The following SELENOV variants were observed in gnomAD, a reference collection of about 807,000 sequenced individuals.
The protein encoded by SELENOV is selenoprotein V.
Under a neutral mutation model 21.6 loss-of-function variants are expected in SELENOV, and 25 were observed. The ratio of observed to expected loss-of-function variants is 1.16; its 90% CI spans 0.84 to 1.62. The LOEUF is 1.62. Ranked by LOEUF, SELENOV falls within the 40% of genes most tolerant of loss-of-function variation. SELENOV has a pLI of 0.00. For synonymous variants in SELENOV, 227 were observed against 216.9 expected (o/e 1.05, Z -0.41); for missense variants, 472 against 459.0 (o/e 1.03, Z -0.26).
intron 1 of SELENOV, among the ~76,000 whole-genome samples, chr19:39,517,610 G>C (rs1262193510): frequency 3.3e-5 from 5 of 152,080 alleles, no homozygotes; most frequent in Admixed American, 1.3e-4. Context: ...GCTGTGGGGA[G>C]AGCATTTGGC....
At position 39,518,294 on chromosome 19, in the gene SELENOV, C is replaced by CAA. The variant is rs56055153; in HGVS notation, c.810-305_810-304dup. On this transcript the variant is annotated intron_variant, in intron 1 of 5. Transcript: ENST00000335426. Reference sequence around the variant, plus strand: ...TCAAAAAAACAAAAAAACAAAAAAACAAAAAAAAAAGAGAGAGAGAGAGAA... The same window carrying CAA: ...TCAAAAAAACAAAAAAACAAAAAAACAAAAAAAAAAAAGAGAGAGAGAGAGAA... Among the ~76,000 whole-genome samples the CAA allele has an allele frequency of 7.4e-3, 789 of 107,210 alleles. 13 individuals carry two copies. The highest frequency in any genetic ancestry group is 8.4e-3 in the Non-Finnish European group (427 of 50,574). 70.3% of individuals were successfully genotyped at this position (107,210 alleles called of 152,430 possible).
intron 1 of SELENOV, among the ~76,000 whole-genome samples, chr19:39,518,228 G>C (rs558184725): frequency 5.1e-4 from 75 of 147,452 alleles, no homozygotes; most frequent in African/African-American, 1.8e-3. Flanking sequence ...CTGAGATCGC[G>C]CCATTGCACT....
intron 5 of SELENOV, among the ~76,000 whole-genome samples, chr19:39,519,594 A>T (rs1600765816): frequency 1.3e-5 from 2 of 151,960 alleles, no homozygotes; most frequent in African/African-American, 4.8e-5. Context: ...TGAGCCCAGG[A>T]GTTAGAGGCT....
chr19:39,517,149 G>A (rs1173900621), intron 1 of SELENOV, among the ~76,000 whole-genome samples: 4 of 152,008 alleles, frequency 2.6e-5, no homozygotes, highest in African/African-American at 4.8e-5. Context: ...GTGAGCCACC[G>A]TGCCCAGCCT....
At chr19:39,516,147 A>G in intron 1 of SELENOV, 126 bp downstream of exon 1, 1 of 823,758 alleles carries the variant, frequency 1.2e-6, no homozygotes, top group Non-Finnish European at 2.0e-6. Flanking sequence ...AGAGCCCCAG[A>G]GTTCCAGTTC....
At chr19:39,518,285 A>C (rs1313772550) in intron 1 of SELENOV, among the ~76,000 whole-genome samples, 1 of 73,108 alleles carries the variant, frequency 1.4e-5, no homozygotes, top group Non-Finnish European at 2.6e-5. Flanking sequence ...AAACAAAAAA[A>C]CAAAAAAACA....
At chr19:39,518,385 G>T in intron 1 of SELENOV, 1 of 600,848 alleles carries the variant, frequency 1.7e-6, no homozygotes, top group African/African-American at 1.9e-5. Flanking sequence ...AGTGGGAGAA[G>T]ATGGAGACAG....
chr19:39,516,131 T>C, intron 1 of SELENOV, 110 bp downstream of exon 1: 1 of 928,114 alleles, frequency 1.1e-6, no homozygotes. Context: ...GGGGAGGGAT[T>C]CAGGAAGAGC....
intron 3 of SELENOV, 33 bp downstream of exon 3, chr19:39,518,826 G>A (rs28596775): frequency 6.2e-7 from 1 of 1,612,600 alleles, no homozygotes; most frequent in Non-Finnish European, 8.5e-7. Flanking sequence ...GGAGAGGGGG[G>A]TGGTCAGGGA....
rs747425039 is a variant in SELENOV at position 39,515,632 on chromosome 19, C to G, written c.420C>G (p.Val140=). The G allele has an allele frequency of 1.3e-6, 2 of 1,548,302 alleles. No individual in the cohort carries two copies. Among genetic ancestry groups the G allele is most frequent in the Admixed American group, 2.0e-5 (1 of 50,984 alleles). ...CAGGGATTCGGGCCGCGCTCCCCGT[C>G]TTGGACTCCTACCTGGCCCCGGCCC... is the stretch of plus-strand genomic sequence containing the variant. The change falls in exon 1 of 6, where the codon GTC becomes GTG. Residue 140 remains valine (V), a synonymous_variant. Coordinates refer to ENST00000335426, the Ensembl canonical transcript of SELENOV. This position sits in a 1 kb window ranked among gnomAD's most constrained non-coding sequence, Gnocchi z 5.1.
At chr19:39,516,869 AT>A (rs113574964) in intron 1 of SELENOV, among the ~76,000 whole-genome samples, 6 of 149,226 alleles carry the variant, frequency 4.0e-5, no homozygotes, top group African/African-American at 9.9e-5. Flanking sequence ...CTAATTTTGT[AT>A]TTTTTTTTAG....
At position 39,515,734 on chromosome 19, in the gene SELENOV, C is replaced by G. The variant is rs1430909815; in HGVS notation, c.522C>G (p.Ser174Arg). The change falls in exon 1 of 6, where the codon AGC becomes AGG. Residue 174 changes from serine (S) to arginine (R), a missense_variant. Ser to Arg is a moderately radical substitution (Grantham distance 110). Transcript: ENST00000335426. The surrounding 1 kb of genome is among the most constrained non-coding windows in gnomAD (Gnocchi z 5.1). The stretch of plus-strand genomic sequence containing the variant: ...AGGAGGACCCTGAGCCGGCGCCGAG[C>G]CTGAAGCTCATCCCGTCGGTCTCCA... 6.5e-7 allele frequency: 1 copy of G among 1,549,596 alleles called. No homozygotes were observed. Among genetic ancestry groups the G allele is most frequent in the Non-Finnish European group, 8.7e-7 (1 of 1,146,590 alleles).
chr19:39,516,076 G>A (rs1458419085), intron 1 of SELENOV, 55 bp downstream of exon 1: 32 of 1,478,290 alleles, frequency 2.2e-5, no homozygotes, highest in Non-Finnish European at 2.9e-5. Context: ...CGGCAGTGGG[G>A]GCTGGGTCTC....
Position 39,515,964 on chromosome 19 carries a change from C to G in SELENOV, c.752C>G (p.Pro251Arg), listed in dbSNP as rs759920314. ...TTACAGAATTGTACGGAAACCTTCC[C>G]CTCCTCCAGCGAGAACTTCGCGCTG... Residue 251 changes from proline to arginine, a missense_variant, in exon 1 of 6, where the codon CCC (proline) becomes CGC (arginine). Transcript: ENST00000335426. The surrounding 1 kb of genome is among the most constrained non-coding windows in gnomAD (Gnocchi z 5.1). The G allele has an allele frequency of 6.2e-7, 1 of 1,607,970 alleles. No individual in the cohort carries two copies. Among genetic ancestry groups the G allele is most frequent in the Non-Finnish European group, 8.5e-7 (1 of 1,177,792 alleles).
chr19:39,518,622 A>C, exon 2 of SELENOV: 1 of 1,606,758 alleles, frequency 6.2e-7, no homozygotes, highest in Non-Finnish European at 8.5e-7. Flanking sequence ...CTCTGAAGCT[A>C]TAGCCTTCGG....
In SELENOV at chr19:39,515,985, C is replaced by T. The variant is rs375565867; in HGVS notation, c.773C>T (p.Ala258Val). The change falls in exon 1 of 6, where the codon GCG becomes GTG. Residue 258 changes from alanine (A) to valine (V), a missense_variant. Ala to Val is a moderately conservative substitution (Grantham distance 64, BLOSUM62 0). Transcript: ENST00000335426. This position sits in a 1 kb window ranked among gnomAD's most constrained non-coding sequence, Gnocchi z 5.1. ...TTCCCCTCCTCCAGCGAGAACTTCG[C>T]GCTGGACAAGAGGGTCCTGATTCGA... is the stretch of plus-strand genomic sequence containing the variant. 53 of 1,603,424 alleles carry T rather than the reference C, an allele frequency of 3.3e-5. No homozygotes were observed. Among genetic ancestry groups the T allele is most frequent in the Non-Finnish European group, 4.0e-5 (47 of 1,175,548 alleles).
rs770140977 is a variant in SELENOV at position 39,515,448 on chromosome 19, C to T, written c.236C>T (p.Ala79Val). ...ACTCTGGTCCCCACTCCCGCTCTGG[C>T]CCGGATCCCCCGTCTGGTTCCGCCT... The change falls in exon 1 of 6, where the codon GCC (alanine) becomes GTC (valine). Residue 79 changes from alanine (A) to valine (V), a missense_variant. By Grantham distance (64) the Ala-to-Val change is moderately conservative (BLOSUM62 0). Coordinates refer to ENST00000335426, the Ensembl canonical transcript of SELENOV. This position sits in a 1 kb window ranked among gnomAD's most constrained non-coding sequence, Gnocchi z 5.1. 9 of 1,551,440 alleles carry T rather than the reference C, an allele frequency of 5.8e-6. No homozygotes were observed. The highest frequency in any genetic ancestry group is 1.2e-5 in the South Asian group (1 of 84,066).
exon 1 of SELENOV, chr19:39,516,012 T>G (rs1178344683): frequency 1.9e-6 from 3 of 1,587,440 alleles, no homozygotes; most frequent in Non-Finnish European, 2.6e-6. Flanking sequence ...CTGATTCGAG[T>G]GACCTACTGG....
chr19:39,516,389 C>T, intron 1 of SELENOV: 1 of 395,958 alleles, frequency 2.5e-6, no homozygotes. Context: ...CTTCCCTTCC[C>T]AGCCTCTCTC....
Sources: allele counts gnomAD v4.1 joint callset (sites outside exome capture counted in the v4.1 genomes callset), GRCh38; gene constraint gnomAD v4.1.1; non-coding constraint Gnocchi (gnomAD v3.1); transcripts MANE v1.5; gene names NCBI Gene and HGNC (gene_info 2026-07-23, HGNC 2026-07-21).